The following MTMR7 variants were observed in gnomAD, a reference collection of about 807,000 sequenced individuals.
MTMR7 encodes phosphatidylinositol-3-phosphate phosphatase MTMR7.
Under a neutral mutation model 81.2 loss-of-function variants are expected in MTMR7, and 76 were observed. The observed-to-expected ratio is 0.94, with a 90% CI of 0.78 to 1.13. The LOEUF is 1.13. Among genes scored for constraint, MTMR7 ranks in the 50% most tolerant of loss-of-function variants. The pLI is 0.00. For missense variants in MTMR7, 1,044 were observed against 820.0 expected, an observed-to-expected ratio of 1.27 and a Z score of -3.34; for synonymous variants, 372 against 289.8, an observed-to-expected ratio of 1.28 and a Z score of -2.88.
At chr8:17,302,311 A>G (rs1200039022) in intron 12 of MTMR7, 31 bp from the exon 13 acceptor site, 1 of 1,587,296 alleles carries the variant, frequency 6.3e-7, no homozygotes, top group Non-Finnish European at 8.6e-7. Context: ...TCGTGATACC[A>G]CCTTATCACA....
At chr8:17,371,280 A>G in intron 2 of MTMR7, 81 bp from the exon 3 acceptor site, 1 of 1,480,682 alleles carries the variant, frequency 6.8e-7, no homozygotes, top group Non-Finnish European at 9.2e-7. Flanking sequence ...TTTGTGGCTC[A>G]AAGAAAGACA....
At chr8:17,338,593 G>C (rs893125239) in intron 6 of MTMR7, 5 of 152,178 alleles carry the variant, frequency 3.3e-5, no homozygotes, top group Admixed American at 2.0e-4. Flanking sequence ...GTACGAAGAA[G>C]AGGTGGGAAG....
chr8:17,340,102 C>A (rs1387635150), intron 6 of MTMR7, among the ~76,000 whole-genome samples: 1 of 152,212 alleles, frequency 6.6e-6, no homozygotes, highest in Admixed American at 6.5e-5. Context: ...CAGGCATGCA[C>A]CATGATGCCC....
intron 1 of MTMR7, among the ~76,000 whole-genome samples, chr8:17,399,211 T>C (rs952674215): frequency 2.6e-5 from 4 of 152,040 alleles, no homozygotes; most frequent in African/African-American, 7.2e-5. Context: ...TTGCAGATGA[T>C]ATGATCTTAT....
At chr8:17,309,540 A>T (rs1168950117) in intron 9 of MTMR7, among the ~76,000 whole-genome samples, 1 of 152,228 alleles carries the variant, frequency 6.6e-6, no homozygotes, top group Admixed American at 6.5e-5. Flanking sequence ...GTGGAAATGG[A>T]TGTATAAAAA....
At chr8:17,367,728 C>G (rs964239353) in intron 3 of MTMR7, among the ~76,000 whole-genome samples, 5 of 152,168 alleles carry the variant, frequency 3.3e-5, no homozygotes, top group African/African-American at 9.7e-5. Context: ...CTGAATTCAG[C>G]AGAATGTCTG....
chr8:17,389,281 C>T (rs752887037), intron 1 of MTMR7, among the ~76,000 whole-genome samples: 5 of 152,218 alleles, frequency 3.3e-5, no homozygotes, highest in African/African-American at 4.8e-5. Flanking sequence ...CTTCATTACA[C>T]GCTATCTTTA....
chr8:17,395,093 A>G (rs1821210293), intron 1 of MTMR7, among the ~76,000 whole-genome samples: 1 of 152,070 alleles, frequency 6.6e-6, no homozygotes, highest in Non-Finnish European at 1.5e-5. Flanking sequence ...CCCTACCCTC[A>G]GTTCCTCATA....
At chr8:17,309,604 G>C (rs1046100784) in intron 9 of MTMR7, among the ~76,000 whole-genome samples, 1 of 152,166 alleles carries the variant, frequency 6.6e-6, no homozygotes, top group Non-Finnish European at 1.5e-5. Context: ...TGTTCACATT[G>C]CTTTACGTAT....
intron 12 of MTMR7, 124 bp from the exon 13 acceptor site, chr8:17,302,404 CAAAA>C (rs1443916210): frequency 5.6e-6 from 6 of 1,079,704 alleles, no homozygotes; most frequent in Non-Finnish European, 7.7e-6. Flanking sequence ...ATTTCAGCCT[CAAAA>C]AAGCCACTAC....
chr8:17,406,492 C>T (rs1238329824), intron 1 of MTMR7, among the ~76,000 whole-genome samples: 1 of 152,136 alleles, frequency 6.6e-6, no homozygotes, highest in East Asian at 1.9e-4. Context: ...TGACAAGTGT[C>T]AGTGATGATA....
In MTMR7 at chr8:17,411,331, C is replaced by T. The variant is rs1585131866; in HGVS notation, c.24+1938G>A. Among the ~76,000 whole-genome samples, 2 of 152,254 alleles carry T rather than the reference C, an allele frequency of 1.3e-5. 1 individual carries two copies. Among genetic ancestry groups the T allele is most frequent in the Admixed American group, 1.3e-4 (2 of 15,288 alleles). ...CTCTTCTAAGAAGGCTTCCCTTGAC[C>T]TTGAGGGCAGAGCTGATCCTCTCTT... On this transcript the variant is annotated intron_variant, in intron 1 of 13. Coordinates refer to ENST00000180173, the MANE Select transcript of MTMR7 (RefSeq NM_004686.5).
At chr8:17,332,826 G>A (rs750779044) in intron 6 of MTMR7, among the ~76,000 whole-genome samples, 6 of 152,116 alleles carry the variant, frequency 3.9e-5, no homozygotes, top group Non-Finnish European at 7.3e-5. Flanking sequence ...TTATAGATAT[G>A]TATTTAAGTT....
At chr8:17,311,452 CAG>C (rs771955394) in intron 9 of MTMR7, 57 bp downstream of exon 9, 992 of 1,606,182 alleles carry the variant, frequency 6.2e-4, no homozygotes, top group East Asian at 1.1e-3. Context: ...GTTGTAAAAA[CAG>C]GGGTCCATTC....
rs1173983355 is a variant in MTMR7, at chr8:17,298,378, T to C, written c.*1484A>G. 6 of 152,076 alleles carry C rather than the reference T, an allele frequency of 3.9e-5. No individual in the cohort carries two copies. The highest frequency in any genetic ancestry group is 3.9e-4 in the Admixed American group (6 of 15,264). 9.4% of individuals were successfully genotyped at this position (152,076 alleles called of 1,614,324 possible). Reference sequence around the variant, plus strand: ...TTTTTACATTAACAGTACTTTTAAATCACAGTTCTCTAATATATTCTATAT... The same window carrying C: ...TTTTTACATTAACAGTACTTTTAAACCACAGTTCTCTAATATATTCTATAT... On this transcript the variant is annotated 3_prime_UTR_variant, in exon 14 of 14. Coordinates refer to ENST00000180173, the MANE Select transcript of MTMR7 (RefSeq NM_004686.5).
chr8:17,319,224 C>G (rs1199869476), intron 7 of MTMR7, among the ~76,000 whole-genome samples: 1 of 152,216 alleles, frequency 6.6e-6, no homozygotes, highest in East Asian at 1.9e-4. Flanking sequence ...GGGCTAGTTA[C>G]TGAGCCTCGC....
At chr8:17,347,388 T>C in intron 5 of MTMR7, among the ~76,000 whole-genome samples, 1 of 152,108 alleles carries the variant, frequency 6.6e-6, no homozygotes, top group East Asian at 1.9e-4. Context: ...AATTAATATT[T>C]TCCTTCAAAG....
intron 1 of MTMR7, among the ~76,000 whole-genome samples, chr8:17,389,528 G>A (rs1821042192): frequency 1.3e-5 from 2 of 152,168 alleles, no homozygotes; most frequent in South Asian, 2.1e-4. Context: ...TGGCACTAAT[G>A]TTTTTGCCTA....
intron 3 of MTMR7, among the ~76,000 whole-genome samples, chr8:17,363,917 A>C (rs1820134737): frequency 6.9e-6 from 1 of 145,718 alleles, no homozygotes; most frequent in South Asian, 2.1e-4. Context: ...AAAAAAAAAA[A>C]CCTAGGGCTT....
Sources: gnomAD v4.1 joint callset for allele counts (sites outside exome capture counted in the v4.1 genomes callset) on GRCh38, gnomAD v4.1.1 for gene constraint, MANE v1.5 for transcripts, NCBI Gene and HGNC (gene_info 2026-07-23, HGNC 2026-07-21) for gene names.